The following RIMS2 variants were observed in gnomAD, a reference collection of about 807,000 sequenced individuals.
RIMS2 encodes regulating synaptic membrane exocytosis 2, also known as regulating synaptic membrane exocytosis protein 2.
RIMS2 carries 59 observed loss-of-function variants against 174.4 expected under a neutral mutation model. The observed-to-expected ratio is 0.34, with a 90% CI of 0.27 to 0.42. RIMS2 has a LOEUF of 0.42. RIMS2 is among the 10% of genes least tolerant of loss of function. RIMS2 has a pLI of 1.00. For missense variants in RIMS2, 1,620 were observed against 1,666.3 expected, an observed-to-expected ratio of 0.97 and a Z score of 0.48; for synonymous variants, 606 against 572.5, an observed-to-expected ratio of 1.06 and a Z score of -0.84.
intron 19 of RIMS2, among the ~76,000 whole-genome samples, chr8:104,148,302 C>G (rs1190847559): frequency 6.6e-6 from 1 of 151,314 alleles, no homozygotes; most frequent in East Asian, 1.9e-4. Context: ...TGCTGCAGGA[C>G]AGCATAGTGT....
intron 2 of RIMS2, among the ~76,000 whole-genome samples, chr8:103,709,870 G>A (rs1243487986): frequency 6.6e-6 from 1 of 152,092 alleles, no homozygotes; most frequent in Non-Finnish European, 1.5e-5. Flanking sequence ...GATGGAGCCA[G>A]AGGCAATACT....
intron 3 of RIMS2, among the ~76,000 whole-genome samples, chr8:103,790,191 A>G (rs1045427790): frequency 4.6e-5 from 7 of 152,236 alleles, no homozygotes; most frequent in Non-Finnish European, 1.0e-4. Flanking sequence ...TCCAACTATT[A>G]CGACTATCTA....
chr8:103,937,116 G>T (rs1320903194), intron 13 of RIMS2, among the ~76,000 whole-genome samples: 1 of 150,174 alleles, frequency 6.7e-6, no homozygotes, highest in African/African-American at 2.4e-5. Flanking sequence ...AATAATTAAA[G>T]ATAAATAAAT....
intron 1 of RIMS2, among the ~76,000 whole-genome samples, chr8:103,521,934 T>A (rs1026936077): frequency 2.0e-5 from 3 of 152,150 alleles, no homozygotes; most frequent in African/African-American, 4.8e-5. Flanking sequence ...CTTGCTTCTC[T>A]CATTTCTTTT....
chr8:103,934,790 C>T (rs535301968), intron 12 of RIMS2, among the ~76,000 whole-genome samples: 66 of 152,042 alleles, frequency 4.3e-4, no homozygotes, highest in Non-Finnish European at 8.2e-4. Context: ...CTCCACCTCC[C>T]GGGTTCAAGC....
At chr8:103,724,831 A>AT (rs1286408159) in intron 2 of RIMS2, among the ~76,000 whole-genome samples, 1 of 151,984 alleles carries the variant, frequency 6.6e-6, no homozygotes, top group Non-Finnish European at 1.5e-5. Context: ...CTGCCCATTG[A>AT]TTTTTCAATT....
intron 2 of RIMS2, among the ~76,000 whole-genome samples, chr8:103,752,910 A>C (rs1299740695): frequency 6.6e-6 from 1 of 151,972 alleles, no homozygotes; most frequent in Non-Finnish European, 1.5e-5. Flanking sequence ...TCTTTTCCTA[A>C]TTGAATACCT....
chr8:103,987,958 A>G (rs903893521), intron 16 of RIMS2, among the ~76,000 whole-genome samples: 3 of 152,232 alleles, frequency 2.0e-5, no homozygotes, highest in Admixed American at 1.3e-4. Flanking sequence ...TGCATGGGTC[A>G]AATTACTTCC....
At chr8:103,927,811 T>C (rs1237808008) in intron 10 of RIMS2, 9 of 1,547,968 alleles carry the variant, frequency 5.8e-6, no homozygotes, top group South Asian at 2.3e-5. Context: ...GGTTTTGTTT[T>C]ATTGCTTTTT....
chr8:104,153,742 T>C (rs1175009508), intron 19 of RIMS2, among the ~76,000 whole-genome samples: 2 of 151,578 alleles, frequency 1.3e-5, no homozygotes, highest in Non-Finnish European at 2.9e-5. Context: ...CATTTAGAGG[T>C]CAGGAAGAAG....
At chr8:104,093,678 T>C (rs944030951) in intron 19 of RIMS2, 35 bp downstream of exon 24, 5 of 1,507,304 alleles carry the variant, frequency 3.3e-6, no homozygotes, top group East Asian at 2.3e-5. Flanking sequence ...TCTCTAAATA[T>C]GTTTTAGAAG....
At chr8:103,795,437 G>A (rs1164795634) in intron 3 of RIMS2, among the ~76,000 whole-genome samples, 1 of 150,564 alleles carries the variant, frequency 6.6e-6, no homozygotes, top group East Asian at 2.0e-4. Flanking sequence ...ATGTTGTGGG[G>A]TGGGGGGAGG....
intron 19 of RIMS2, among the ~76,000 whole-genome samples, chr8:104,188,290 A>T (rs538152184): frequency 6.6e-6 from 1 of 151,242 alleles, no homozygotes; most frequent in African/African-American, 2.4e-5. Context: ...GTATAAAATC[A>T]TCTAGATATA....
At chr8:103,563,266 T>C (rs1460248398) in intron 1 of RIMS2, among the ~76,000 whole-genome samples, 1 of 152,196 alleles carries the variant, frequency 6.6e-6, no homozygotes, top group African/African-American at 2.4e-5. Flanking sequence ...TTATGCTGTT[T>C]CCCTTTTAAA....
chr8:104,254,255 A>T (rs954207997), downstream of RIMS2: 1 of 151,906 alleles, frequency 6.6e-6, no homozygotes, highest in African/African-American at 2.4e-5. Context: ...TAGTCATGTA[A>T]CTAGCACTAT....
intron 11 of RIMS2, among the ~76,000 whole-genome samples, chr8:103,931,056 C>T (rs186809021): frequency 1.3e-5 from 2 of 152,228 alleles, no homozygotes; most frequent in African/African-American, 4.8e-5. Context: ...CATGCTTGAT[C>T]AGTCAAACTG....
At chr8:103,944,907 G>A (rs1291060494) in intron 14 of RIMS2, among the ~76,000 whole-genome samples, 3 of 151,922 alleles carry the variant, frequency 2.0e-5, no homozygotes, top group Non-Finnish European at 2.9e-5. Context: ...TAGATAGAAA[G>A]CTAAAAACAA....
chr8:103,927,269 A>G (rs1294848338), intron 10 of RIMS2, among the ~76,000 whole-genome samples: 2 of 151,534 alleles, frequency 1.3e-5, no homozygotes, highest in Admixed American at 1.3e-4. Context: ...TGAATCAACT[A>G]ATTAGTCCAA....
chr8:103,940,875 CAA>C (rs11284715), intron 13 of RIMS2, among the ~76,000 whole-genome samples: 63 of 92,860 alleles, frequency 6.8e-4, no homozygotes, highest in Middle Eastern at 5.6e-3. Flanking sequence ...GACTCCATCT[CAA>C]AAAAAAAAAA....
Sources: gnomAD v4.1 joint callset for allele counts (sites outside exome capture counted in the v4.1 genomes callset) on GRCh38, gnomAD v4.1.1 for gene constraint, MANE v1.5 for transcripts, NCBI Gene and HGNC (gene_info 2026-07-23, HGNC 2026-07-21) for gene names.